Variants in TUSC3 observed in about 807,000 individuals in gnomAD.
TUSC3 encodes the protein dolichyl-diphosphooligosaccharide--protein glycosyltransferase subunit TUSC3.
TUSC3 carries 45 observed loss-of-function variants against 44.8 expected under a neutral mutation model. The ratio of observed to expected loss-of-function variants is 1.00; its 90% CI spans 0.79 to 1.29. The LOEUF is 1.29. Ranked by LOEUF, TUSC3 falls within the 50% of genes most tolerant of loss-of-function variation. TUSC3 has a pLI of 0.00. For synonymous variants in TUSC3, 212 were observed against 152.9 expected (o/e 1.39, Z -2.85); for missense variants, 519 against 437.9 (o/e 1.19, Z -1.65).
chr8:15,711,225 T>A (rs1432597154), intron 6 of TUSC3, among the ~76,000 whole-genome samples: 1 of 151,874 alleles, frequency 6.6e-6, no homozygotes, highest in Non-Finnish European at 1.5e-5. Context: ...CTCCTCGATG[T>A]TGATCTACTT....
rs553472247 is a variant in TUSC3 at position 15,636,760 on chromosome 8, T to C, written c.308+13511T>C. 1.1e-4 allele frequency among the ~76,000 whole-genome samples: 17 copies of C among 152,334 alleles called. No homozygotes were observed. The South Asian group carries it at 2.9e-3, about 26-fold the overall frequency. On this transcript the variant is annotated intron_variant, in intron 2 of 10. Transcript: ENST00000503731. The stretch of plus-strand genomic sequence containing the variant: ...TAAATGATGAAGACGAATGTTCCAG[T>C]GGGAGATTAACTTATTTCAGTGCCT...
At chr8:15,628,968 A>G (rs1313723530) in intron 2 of TUSC3, among the ~76,000 whole-genome samples, 1 of 152,192 alleles carries the variant, frequency 6.6e-6, no homozygotes, top group Non-Finnish European at 1.5e-5. Flanking sequence ...AAGTTGACAA[A>G]CTGGTTGTGA....
intron 6 of TUSC3, among the ~76,000 whole-genome samples, chr8:15,722,730 A>G (rs1444718996): frequency 2.0e-5 from 3 of 152,060 alleles, no homozygotes; most frequent in East Asian, 1.9e-4. Context: ...CACTGTTCCA[A>G]TGGAAAATTT....
At chr8:15,749,228 G>A (rs528640877) in intron 9 of TUSC3, among the ~76,000 whole-genome samples, 1 of 152,122 alleles carries the variant, frequency 6.6e-6, no homozygotes, top group East Asian at 1.9e-4. Context: ...GAAGACTCTG[G>A]TTAGGTAGTA....
At chr8:15,738,372 T>G (rs925228384) in intron 7 of TUSC3, among the ~76,000 whole-genome samples, 1 of 152,216 alleles carries the variant, frequency 6.6e-6, no homozygotes, top group Non-Finnish European at 1.5e-5. Flanking sequence ...ACAGTTTTTT[T>G]GACATCACCT....
chr8:15,770,839 A>G (rs971419711), downstream of TUSC3, among the ~76,000 whole-genome samples: 4 of 152,190 alleles, frequency 2.6e-5, no homozygotes, highest in African/African-American at 9.6e-5. Flanking sequence ...AGGAAAGGAC[A>G]GAAAAGAGTA....
the TUSC3 span, among the ~76,000 whole-genome samples, chr8:15,841,082 T>G: frequency 1.3e-5 from 2 of 152,180 alleles, no homozygotes; most frequent in African/African-American, 4.8e-5. Context: ...AGTTGTTCCC[T>G]AGTTTGGCAT....
chr8:15,566,611 TGTTG>T (rs1563293105), intron 1 of TUSC3, among the ~76,000 whole-genome samples: 17 of 151,248 alleles, frequency 1.1e-4, no homozygotes, highest in South Asian at 6.3e-4. Flanking sequence ...ATTTTTTTGT[TGTTG>T]TTGTTGTTGT....
chr8:15,779,787 G>A, the TUSC3 span, among the ~76,000 whole-genome samples: 1 of 152,088 alleles, frequency 6.6e-6, no homozygotes, highest in African/African-American at 2.4e-5. Flanking sequence ...GATTCCTAGA[G>A]GAAACTCAAC....
At chr8:15,509,779 C>T (rs1365700632) in intron 2 of TUSC3, among the ~76,000 whole-genome samples, 1 of 152,128 alleles carries the variant, frequency 6.6e-6, no homozygotes, top group African/African-American at 2.4e-5. Context: ...ATTAACTGGC[C>T]TAATACAATA....
chr8:15,745,524 TGG>T (rs1451983884), intron 8 of TUSC3, among the ~76,000 whole-genome samples: 2 of 152,120 alleles, frequency 1.3e-5, no homozygotes, highest in Non-Finnish European at 2.9e-5. Flanking sequence ...TATCTCATTG[TGG>T]TTTTGATTTG....
intron 1 of TUSC3, among the ~76,000 whole-genome samples, chr8:15,549,405 C>T (rs1397016096): frequency 1.3e-5 from 2 of 151,726 alleles, no homozygotes; most frequent in Admixed American, 1.3e-4. Flanking sequence ...AACTCCTGAC[C>T]TCGTGATCTG....
At chr8:15,584,692 T>C (rs990492867) in intron 1 of TUSC3, among the ~76,000 whole-genome samples, 1 of 151,492 alleles carries the variant, frequency 6.6e-6, no homozygotes, top group African/African-American at 2.4e-5. Context: ...CTGGAATATG[T>C]GTGTATGGGT....
At chr8:15,482,779 A>T (rs1800679727) in intron 1 of TUSC3, among the ~76,000 whole-genome samples, 1 of 152,232 alleles carries the variant, frequency 6.6e-6, no homozygotes, top group Admixed American at 6.5e-5. Context: ...AGAAATTCCT[A>T]TGAATGGGAA....
the TUSC3 span, among the ~76,000 whole-genome samples, chr8:15,776,694 C>G: frequency 6.6e-6 from 1 of 152,276 alleles, no homozygotes; most frequent in Non-Finnish European, 1.5e-5. Flanking sequence ...CAATAATTGG[C>G]AGTGAGCTAT....
At chr8:15,523,585 C>T (rs998573965) in intron 2 of TUSC3, among the ~76,000 whole-genome samples, 3 of 147,824 alleles carry the variant, frequency 2.0e-5, no homozygotes, top group South Asian at 2.2e-4. Flanking sequence ...AATGCCTTGC[C>T]GACTTTCCAA....
At chr8:15,829,680 T>A in the TUSC3 span, among the ~76,000 whole-genome samples, 5 of 152,106 alleles carry the variant, frequency 3.3e-5, no homozygotes, top group Non-Finnish European at 5.9e-5. Flanking sequence ...ATATCTTTAA[T>A]TCTGAGATTA....
chr8:15,655,411 C>G (rs1431914101), intron 3 of TUSC3, among the ~76,000 whole-genome samples: 1 of 152,200 alleles, frequency 6.6e-6, no homozygotes, highest in East Asian at 1.9e-4. Flanking sequence ...GCATACGGCC[C>G]CTCCCAAGTG....
At chr8:15,457,301 G>A (rs1393149205) in intron 1 of TUSC3, among the ~76,000 whole-genome samples, 1 of 151,548 alleles carries the variant, frequency 6.6e-6, no homozygotes, top group Non-Finnish European at 1.5e-5. Context: ...AAGTACCCTA[G>A]AACTTAAAGT....
Sources: allele counts gnomAD v4.1 joint callset (sites outside exome capture counted in the v4.1 genomes callset), GRCh38; gene constraint gnomAD v4.1.1; transcripts MANE v1.5; gene names NCBI Gene and HGNC (gene_info 2026-07-23, HGNC 2026-07-21).